Variants in KANK1 observed in about 807,000 individuals in gnomAD.
KANK1 encodes KN motif and ankyrin repeat domain-containing protein 1.
In KANK1, 109 loss-of-function variants were observed where a neutral mutation model predicts 106.2. That is an observed-to-expected ratio of 1.03 (90% CI 0.88 to 1.20). KANK1 has a LOEUF of 1.20. Among genes scored for constraint, KANK1 ranks in the 50% most tolerant of loss-of-function variants. The pLI, the probability that KANK1 is intolerant of heterozygous loss-of-function variation, is 0.00. For missense variants in KANK1, 2,399 were observed against 1,710.7 expected (o/e 1.40, Z -7.10); for synonymous variants, 873 against 652.2 (o/e 1.34, Z -5.16).
chr9:649,481 TAC>T (rs1417965405), intron 1 of KANK1, among the ~76,000 whole-genome samples: 2 of 152,208 alleles, frequency 1.3e-5, no homozygotes, highest in African/African-American at 4.8e-5. Flanking sequence ...TGAGCTGATT[TAC>T]AGAGTGTGGA....
At chr9:693,011 CTTTT>C (rs879412075) in intron 2 of KANK1, among the ~76,000 whole-genome samples, 1 of 148,376 alleles carries the variant, frequency 6.7e-6, no homozygotes, top group South Asian at 2.1e-4. Context: ...CAAAAAAGAA[CTTTT>C]TTTTTTTTTA....
At chr9:701,331 C>T (rs924002262) in intron 2 of KANK1, among the ~76,000 whole-genome samples, 1 of 152,136 alleles carries the variant, frequency 6.6e-6, no homozygotes, top group Non-Finnish European at 1.5e-5. Flanking sequence ...CTCGAACTCC[C>T]CACCTCAGGT....
chr9:485,983 A>G (rs1355593675), intron 3 of KANK1, among the ~76,000 whole-genome samples: 2 of 152,100 alleles, frequency 1.3e-5, no homozygotes, highest in African/African-American at 4.8e-5. Context: ...AGCTTCCCCT[A>G]GACTTCTTCA....
In KANK1 at chr9:738,406, G is replaced by C; in HGVS notation, c.3455G>C (p.Arg1152Pro). Residue 1152 changes from arginine (R) to proline (P), a missense_variant, in exon 8 of 12, where the codon CGC becomes CCC. Transcript: ENST00000382297. ...GAGGCCATTTCCCCAGATGTCCTCC[G>C]CTATGTCATCAACTTGGCAGACGGC... ...AFEAISPDVL[R>P]YVINLADGNG... is the part of the protein sequence containing the mutation. 6.2e-7 allele frequency: 1 copy of C among 1,614,098 alleles called. No homozygotes were observed. Among genetic ancestry groups the C allele is most frequent in the Non-Finnish European group, 8.5e-7 (1 of 1,180,012 alleles).
chr9:645,439 T>TA (rs376740141), intron 1 of KANK1, among the ~76,000 whole-genome samples: 2,302 of 69,834 alleles, frequency 0.033, 73 homozygotes, highest in Middle Eastern at 0.092. Flanking sequence ...GACTGTGTCT[T>TA]AAAAAAAAAA....
chr9:557,519 C>G (rs1163193801), intron 1 of KANK1, among the ~76,000 whole-genome samples: 2 of 152,156 alleles, frequency 1.3e-5, no homozygotes, highest in African/African-American at 4.8e-5. Flanking sequence ...GGAAAAATGT[C>G]CATATCATCC....
At chr9:664,891 A>C (rs56394811) in intron 1 of KANK1, among the ~76,000 whole-genome samples, 127,459 of 152,010 alleles carry the variant, frequency 0.84, 53,571 homozygotes, top group East Asian at 0.97. Context: ...ATTATACCTC[A>C]TCGTGGTTTT....
intron 1 of KANK1, among the ~76,000 whole-genome samples, chr9:658,693 T>C (rs1254950574): frequency 1.3e-5 from 2 of 152,202 alleles, no homozygotes; most frequent in African/African-American, 4.8e-5. Context: ...ATTTTGACTA[T>C]AGATACCAGA....
intron 1 of KANK1, among the ~76,000 whole-genome samples, chr9:561,731 A>G (rs995021727): frequency 2.0e-5 from 3 of 152,342 alleles, no homozygotes; most frequent in South Asian, 4.1e-4. Context: ...AGGCTCCTTA[A>G]AAAATGCATG....
rs537451224 is a variant in KANK1, at chr9:743,127, G to A, written c.3897+722G>A. 3.9e-5 allele frequency among the ~76,000 whole-genome samples: 6 copies of A among 152,296 alleles called. No individual in the cohort carries two copies. The South Asian group carries it at 1.2e-3, about 32-fold the overall frequency. On this transcript the variant is annotated intron_variant, in intron 10 of 11. Transcript: ENST00000382297. ...CATGTAGGCAGTGAGATGGTGTAAA[G>A]GTCACAGAGGTCGGGTTGGCTTGGT... is the stretch of plus-strand genomic sequence containing the variant.
Position 713,376 on chromosome 9 carries a change from GTCGTCTATCAAC to G in KANK1, c.2613_2624del (p.Ser872_Ser875del), listed in dbSNP as rs767779079. On this transcript the variant is annotated inframe_deletion, in exon 3 of 12. Transcript: ENST00000382297. Reference sequence around the variant, plus strand: ...TCAACTCTCAGCTCATCAGCACCCTGTCGTCTATCAACTCTGTCATGAAATCTGCAAGCACTG... The same window carrying G: ...TCAACTCTCAGCTCATCAGCACCCTGTCTGTCATGAAATCTGCAAGCACTG... The G allele has an allele frequency of 2.5e-6, 4 of 1,613,952 alleles. No homozygotes were observed. Among genetic ancestry groups the G allele is most frequent in the Non-Finnish European group, 1.7e-6 (2 of 1,180,010 alleles).
intron 2 of KANK1, among the ~76,000 whole-genome samples, chr9:686,444 C>T (rs1213848446): frequency 2.0e-5 from 3 of 152,190 alleles, no homozygotes; most frequent in Non-Finnish European, 4.4e-5. Context: ...GGTGCCCCAC[C>T]TCTTCAAGTG....
chr9:624,736 G>C (rs1833943817), intron 1 of KANK1, among the ~76,000 whole-genome samples: 1 of 152,020 alleles, frequency 6.6e-6, no homozygotes, highest in African/African-American at 2.4e-5. Flanking sequence ...GAGGTGGAGG[G>C]TGCAGTGAGC....
chr9:662,366 C>G (rs894951978), intron 1 of KANK1, among the ~76,000 whole-genome samples: 4 of 152,154 alleles, frequency 2.6e-5, no homozygotes, highest in African/African-American at 9.7e-5. Flanking sequence ...CCCGCATTGC[C>G]AAGACAGTCC....
At chr9:704,199 C>G (rs962580302) in intron 2 of KANK1, among the ~76,000 whole-genome samples, 26 of 152,118 alleles carry the variant, frequency 1.7e-4, no homozygotes, top group African/African-American at 2.9e-4. Context: ...AAACAAGACC[C>G]AAAACAAACG....
At chr9:518,417 C>CTT (rs1554608902) in intron 1 of KANK1, among the ~76,000 whole-genome samples, 1 of 151,610 alleles carries the variant, frequency 6.6e-6, no homozygotes, top group African/African-American at 2.4e-5. Flanking sequence ...GCAGTTTTTA[C>CTT]TTTACCGTTT....
At chr9:590,542 A>G (rs1255421210) in intron 1 of KANK1, among the ~76,000 whole-genome samples, 2 of 152,176 alleles carry the variant, frequency 1.3e-5, no homozygotes, top group Non-Finnish European at 2.9e-5. Flanking sequence ...GTATGTAGTG[A>G]CTGTAGAAAA....
chr9:592,647 T>G (rs537831635), intron 1 of KANK1, among the ~76,000 whole-genome samples: 2 of 152,028 alleles, frequency 1.3e-5, no homozygotes, highest in African/African-American at 4.8e-5. Flanking sequence ...ATATTTACCT[T>G]ATTGTAGTTT....
At chr9:488,470 T>C (rs536901859) in intron 3 of KANK1, among the ~76,000 whole-genome samples, 3 of 152,352 alleles carry the variant, frequency 2.0e-5, no homozygotes, top group East Asian at 3.9e-4. Flanking sequence ...GATTGTCTTA[T>C]TCTAACTTGG....
Sources: gnomAD v4.1 joint callset for allele counts (sites outside exome capture counted in the v4.1 genomes callset) on GRCh38, gnomAD v4.1.1 for gene constraint, MANE v1.5 for transcripts, NCBI Gene and HGNC (gene_info 2026-07-23, HGNC 2026-07-21) for gene names.